Variants in RAB31 observed in about 807,000 individuals in gnomAD.
RAB31 encodes RAB31, member RAS oncogene family, also known as ras-related protein Rab-31.
In RAB31, 21 loss-of-function variants were observed where a neutral mutation model predicts 25.6. The ratio of observed to expected loss-of-function variants is 0.82; its 90% CI spans 0.58 to 1.18. The LOEUF is 1.18. RAB31 is among the 50% of genes most tolerant of loss of function. The pLI is 0.00. For missense variants in RAB31, 196 were observed against 250.1 expected (o/e 0.78, Z 1.46); for synonymous variants, 87 against 84.0 (o/e 1.04, Z -0.20).
At chr18:9,725,176 C>T (rs1411567883) in intron 1 of RAB31, among the ~76,000 whole-genome samples, 1 of 152,112 alleles carries the variant, frequency 6.6e-6, no homozygotes, top group Non-Finnish European at 1.5e-5. Flanking sequence ...TTCTTCTGAC[C>T]TAGCCTCACA....
intron 1 of RAB31, 106 bp from the exon 2 acceptor site, chr18:9,775,172 C>T: frequency 1.3e-6 from 2 of 1,556,078 alleles, no homozygotes; most frequent in Non-Finnish European, 1.7e-6. Context: ...TCTCATCAAC[C>T]AGAAATAGCC....
intron 6 of RAB31, among the ~76,000 whole-genome samples, chr18:9,850,606 C>G (rs113891847): frequency 6.6e-6 from 1 of 152,188 alleles, no homozygotes; most frequent in African/African-American, 2.4e-5. Flanking sequence ...GCAGAGAAAG[C>G]AGGACTTTCT....
intron 6 of RAB31, among the ~76,000 whole-genome samples, chr18:9,849,085 G>T (rs1276340233): frequency 6.6e-6 from 1 of 152,052 alleles, no homozygotes; most frequent in Non-Finnish European, 1.5e-5. Context: ...TTGTCTGCCT[G>T]CATGTGGCTA....
At chr18:9,760,173 TG>T (rs66486349) in intron 1 of RAB31, among the ~76,000 whole-genome samples, 32 of 151,048 alleles carry the variant, frequency 2.1e-4, no homozygotes, top group South Asian at 1.0e-3. Context: ...TTTTTGTTTT[TG>T]TTTTTGTTTT....
At chr18:9,748,208 T>A (rs989820771) in intron 1 of RAB31, among the ~76,000 whole-genome samples, 1 of 151,946 alleles carries the variant, frequency 6.6e-6, no homozygotes, top group Non-Finnish European at 1.5e-5. Context: ...TGTAAAACAT[T>A]ATATTTGTCT....
intron 3 of RAB31, among the ~76,000 whole-genome samples, chr18:9,807,119 T>C (rs575570168): frequency 1.7e-4 from 26 of 152,312 alleles, no homozygotes; most frequent in Non-Finnish European, 2.6e-4. Context: ...GGGCTGGGTC[T>C]GAAGGCCGTG....
intron 3 of RAB31, among the ~76,000 whole-genome samples, chr18:9,810,421 A>G (rs2068564693): frequency 6.6e-6 from 1 of 152,246 alleles, no homozygotes; most frequent in African/African-American, 2.4e-5. Context: ...GGAAAAGCAT[A>G]AACATTGTAG....
intron 1 of RAB31, among the ~76,000 whole-genome samples, chr18:9,725,123 A>C (rs921509708): frequency 2.6e-5 from 4 of 152,154 alleles, no homozygotes; most frequent in African/African-American, 7.2e-5. Flanking sequence ...GGTTGAGTTC[A>C]CAGCAAGTGT....
Position 9,852,850 on chromosome 18 carries a change from C to T in RAB31, c.491-6378C>T, listed in dbSNP as rs75646801. 7.9e-3 allele frequency among the ~76,000 whole-genome samples: 1,200 copies of T among 152,280 alleles called. 19 individuals carry two copies. The highest frequency in any genetic ancestry group is 0.025 in the African/African-American group (1,054 of 41,544). On this transcript the variant is annotated intron_variant, in intron 6 of 6. Coordinates refer to ENST00000578921, the MANE Select transcript of RAB31 (RefSeq NM_006868.4). ...TTTTACTACAGTATGTTACCACCAC[C>T]AATGTGTGGGAGTTCCAGTTGCTCC...
At chr18:9,853,869 A>G (rs2068801339) in intron 6 of RAB31, among the ~76,000 whole-genome samples, 1 of 149,614 alleles carries the variant, frequency 6.7e-6, no homozygotes, top group Non-Finnish European at 1.5e-5. Context: ...AATAAAGTTT[A>G]TCAATTAAAA....
At chr18:9,712,232 G>A (rs1431661548) in intron 1 of RAB31, among the ~76,000 whole-genome samples, 1 of 152,260 alleles carries the variant, frequency 6.6e-6, no homozygotes, top group Non-Finnish European at 1.5e-5. Context: ...AAGGACTGAA[G>A]AGCGTTGGGT....
Position 9,798,724 on chromosome 18 carries a change from T to A in RAB31, c.201+6489T>A, listed in dbSNP as rs115313376. Among the ~76,000 whole-genome samples the A allele has an allele frequency of 9.6e-3, 1,449 of 151,152 alleles. 21 individuals are homozygous for A. The highest frequency in any genetic ancestry group is 0.033 in the African/African-American group (1,341 of 41,106). ...ACCTCAAACTCCCAGGCCTGGTCAA[T>A]CCTCCTGCTCCAGCCTCCTGAGTAG... On this transcript the variant is annotated intron_variant, in intron 3 of 6. Transcript: ENST00000578921.
chr18:9,854,138 C>A (rs958843203), intron 6 of RAB31, among the ~76,000 whole-genome samples: 2 of 152,016 alleles, frequency 1.3e-5, no homozygotes, highest in Non-Finnish European at 2.9e-5. Context: ...CACCCCCAAC[C>A]CCTCAACAGG....
At chr18:9,791,892 C>T (rs568039566) in intron 2 of RAB31, among the ~76,000 whole-genome samples, 3 of 152,338 alleles carry the variant, frequency 2.0e-5, no homozygotes, top group African/African-American at 4.8e-5. Flanking sequence ...CATGAACCAC[C>T]GCGCCTGGCC....
intron 1 of RAB31, among the ~76,000 whole-genome samples, chr18:9,734,082 T>TG (rs968040344): frequency 1.9e-4 from 3 of 15,686 alleles, no homozygotes; most frequent in Admixed American, 1.9e-3. Flanking sequence ...AGATGGAAGC[T>TG]GGGGGGCAGG....
At chr18:9,809,697 C>G (rs2068560987) in intron 3 of RAB31, among the ~76,000 whole-genome samples, 1 of 152,206 alleles carries the variant, frequency 6.6e-6, no homozygotes, top group Non-Finnish European at 1.5e-5. Flanking sequence ...ATTTATGTGT[C>G]CATTCTTTAA....
intron 5 of RAB31, among the ~76,000 whole-genome samples, chr18:9,840,591 G>A (rs17731716): frequency 0.048 from 7,364 of 152,252 alleles, 232 homozygotes; most frequent in East Asian, 0.089. Flanking sequence ...ACAGATTGTA[G>A]TCACACCATT....
chr18:9,744,520 T>A (rs1170016416), intron 1 of RAB31, among the ~76,000 whole-genome samples: 1 of 152,206 alleles, frequency 6.6e-6, no homozygotes, highest in Non-Finnish European at 1.5e-5. Context: ...TGAGAGTTGA[T>A]TTTACCTTTG....
At chr18:9,788,462 A>C (rs998283134) in intron 2 of RAB31, among the ~76,000 whole-genome samples, 1 of 152,270 alleles carries the variant, frequency 6.6e-6, no homozygotes, top group African/African-American at 2.4e-5. Flanking sequence ...CACTGTGTAC[A>C]TTAGTACAGA....
Sources: allele counts gnomAD v4.1 joint callset (sites outside exome capture counted in the v4.1 genomes callset), GRCh38; gene constraint gnomAD v4.1.1; transcripts MANE v1.5; gene names NCBI Gene and HGNC (gene_info 2026-07-23, HGNC 2026-07-21).